Variants in TBC1D2B observed in about 807,000 individuals in gnomAD.
The protein encoded by TBC1D2B is TBC1 domain family member 2B, also known as TBC1 domain family, member 2B.
Under a neutral mutation model 100.8 loss-of-function variants are expected in TBC1D2B, and 64 were observed. The observed-to-expected ratio is 0.64, with a 90% confidence interval of 0.52 to 0.78. TBC1D2B has a LOEUF of 0.78. Ranked by LOEUF, TBC1D2B falls within the 30% of genes least tolerant of loss-of-function variation. TBC1D2B has a pLI of 0.00. For missense variants in TBC1D2B, 1,052 were observed against 1,218.4 expected, an observed-to-expected ratio of 0.86 and a Z score of 2.03; for synonymous variants, 480 against 479.7, an observed-to-expected ratio of 1.00 and a Z score of -0.01.
In TBC1D2B at chr15:77,995,515, A is replaced by C. The variant is rs1310256924; in HGVS notation, c.*2645T>G. 2.0e-5 allele frequency: 3 copies of C among 152,390 alleles called. No individual in the cohort carries two copies. Among genetic ancestry groups the C allele is most frequent in the Non-Finnish European group, 2.9e-5 (2 of 67,990 alleles). 9.4% of individuals were successfully genotyped at this position (152,390 alleles called of 1,614,324 possible). A position where few individuals can be genotyped will look rare whatever the true frequency, so the allele number is the denominator to read the frequency against. On this transcript the variant is annotated 3_prime_UTR_variant, in exon 13 of 13. Transcript: ENST00000300584. Reference sequence around the variant, plus strand: ...AACTCGGAGGCTGAGGCTGGCACAGATACACACAAGGGAGTCACACACATA... The same window carrying C: ...AACTCGGAGGCTGAGGCTGGCACAGCTACACACAAGGGAGTCACACACATA...
chr15:77,999,897 A>C (rs2071865830), intron 12 of TBC1D2B, among the ~76,000 whole-genome samples: 1 of 152,170 alleles, frequency 6.6e-6, no homozygotes, highest in Non-Finnish European at 1.5e-5. Context: ...TCAGCGCCTT[A>C]AAAGGCTCCT....
At chr15:78,012,316 G>A (rs1026469767) in intron 9 of TBC1D2B, among the ~76,000 whole-genome samples, 2 of 152,130 alleles carry the variant, frequency 1.3e-5, no homozygotes, top group African/African-American at 2.4e-5. Context: ...GAGGCTTTTC[G>A]GCATCCTCTG....
At chr15:78,069,260 AT>A (rs544749566) in intron 1 of TBC1D2B, among the ~76,000 whole-genome samples, 6 of 152,174 alleles carry the variant, frequency 3.9e-5, no homozygotes, top group Non-Finnish European at 8.8e-5. Context: ...AGAGAAGTCA[AT>A]GCCGGGGGCC....
At chr15:78,067,927 G>A (rs1262038110) in intron 1 of TBC1D2B, among the ~76,000 whole-genome samples, 2 of 152,198 alleles carry the variant, frequency 1.3e-5, no homozygotes, top group East Asian at 1.9e-4. Context: ...TCTTCAGGGA[G>A]CTTTCTTGAT....
chr15:78,040,568 AGAAAG>A (rs1300423145), intron 3 of TBC1D2B, among the ~76,000 whole-genome samples: 2 of 151,038 alleles, frequency 1.3e-5, no homozygotes, highest in East Asian at 1.9e-4. Flanking sequence ...AAAAAAGAAA[AGAAAG>A]GAAAGGAAAG....
At chr15:78,063,353 C>T (rs115107565) in intron 1 of TBC1D2B, among the ~76,000 whole-genome samples, 5,481 of 152,258 alleles carry the variant, frequency 0.036, 142 homozygotes, top group African/African-American at 0.062. Flanking sequence ...GCATTACTTG[C>T]TATCAAGGGG....
chr15:78,058,702 G>T (rs872926), intron 1 of TBC1D2B, among the ~76,000 whole-genome samples: 1 of 152,116 alleles, frequency 6.6e-6, no homozygotes, highest in Non-Finnish European at 1.5e-5. Flanking sequence ...AGTGAGGACC[G>T]GGAAGGATCA....
At chr15:78,075,737 G>C (rs1407772221) in intron 1 of TBC1D2B, among the ~76,000 whole-genome samples, 1 of 152,170 alleles carries the variant, frequency 6.6e-6, no homozygotes, top group Non-Finnish European at 1.5e-5. Flanking sequence ...TGGGGAAACA[G>C]GCTGTCTGCA....
intron 1 of TBC1D2B, among the ~76,000 whole-genome samples, chr15:78,071,025 C>A (rs1402008598): frequency 6.6e-6 from 1 of 152,212 alleles, no homozygotes; most frequent in Non-Finnish European, 1.5e-5. Context: ...TCTCACCATG[C>A]TGGTCAGGCT....
chr15:78,061,240 A>G (rs1309705992), intron 1 of TBC1D2B, among the ~76,000 whole-genome samples: 5 of 150,080 alleles, frequency 3.3e-5, no homozygotes, highest in Admixed American at 6.6e-5. Context: ...GCAAAACTCC[A>G]TATCAAAAAC....
chr15:78,006,653 C>G (rs1034255302), intron 10 of TBC1D2B, among the ~76,000 whole-genome samples: 2 of 152,192 alleles, frequency 1.3e-5, no homozygotes, highest in Non-Finnish European at 1.5e-5. Context: ...AGCCCCTCAT[C>G]GGTGGCACCT....
chr15:78,061,895 G>A (rs917813264), intron 1 of TBC1D2B, among the ~76,000 whole-genome samples: 1 of 152,148 alleles, frequency 6.6e-6, no homozygotes, highest in African/African-American at 2.4e-5. Context: ...AGGGATGACA[G>A]GACTTAAATC....
In TBC1D2B at chr15:78,064,464, G is replaced by T. The variant is rs74028068; in HGVS notation, c.361-10277C>A. 4.4e-3 allele frequency among the ~76,000 whole-genome samples: 675 copies of T among 152,234 alleles called. 6 individuals are homozygous for T. Among genetic ancestry groups the T allele is most frequent in the African/African-American group, 0.015 (634 of 41,536 alleles). ...AATTTAAATTACATGGATAATTTTG[G>T]GTATCCATTTCTGAAAAGAATGCGA... On this transcript the variant is annotated intron_variant, in intron 1 of 12. Coordinates refer to ENST00000300584, the MANE Select transcript of TBC1D2B (RefSeq NM_144572.2).
chr15:78,044,107 AGAG>A lies in TBC1D2B; in HGVS notation c.683+790_683+792del, dbSNP rs2073146619. ...GAGTTGCCTACGGCTGAGGGTTGAC[AGAG>A]GAGAAGGGGTTGGGGGAAATGAGAA... On this transcript the variant is annotated intron_variant, in intron 3 of 12. Coordinates refer to ENST00000300584, the MANE Select transcript of TBC1D2B (RefSeq NM_144572.2). Among the ~76,000 whole-genome samples, 4 of 151,972 alleles carry A rather than the reference AGAG, an allele frequency of 2.6e-5. No homozygotes were observed. In the South Asian group the frequency reaches 8.3e-4, roughly 31 times the overall value.
At chr15:78,008,612 T>C (rs997609922) in intron 10 of TBC1D2B, among the ~76,000 whole-genome samples, 6 of 152,218 alleles carry the variant, frequency 3.9e-5, no homozygotes, top group African/African-American at 1.4e-4. Context: ...AAGTCTCTGG[T>C]TTGTCTCATT....
At chr15:78,003,020 C>G in intron 11 of TBC1D2B, 1 of 297,478 alleles carries the variant, frequency 3.4e-6, no homozygotes, top group Non-Finnish European at 6.6e-6. Flanking sequence ...TGGGGTAACA[C>G]CACCAGCCAT....
chr15:78,001,584 C>T (rs1474042452), intron 12 of TBC1D2B, 35 bp downstream of exon 12: 1 of 1,585,174 alleles, frequency 6.3e-7, no homozygotes, highest in Middle Eastern at 1.7e-4. Context: ...AGGCTTCCTG[C>T]TCTCCTTGAC....
intron 1 of TBC1D2B, among the ~76,000 whole-genome samples, chr15:78,076,029 G>A (rs1352562330): frequency 2.6e-5 from 4 of 152,158 alleles, no homozygotes; most frequent in Non-Finnish European, 5.9e-5. Flanking sequence ...GAGTGAGAGT[G>A]AGGGTGGAGA....
intron 1 of TBC1D2B, among the ~76,000 whole-genome samples, chr15:78,058,125 T>C (rs1327297899): frequency 6.6e-6 from 1 of 152,158 alleles, no homozygotes; most frequent in Non-Finnish European, 1.5e-5. Context: ...TAAAATTAAT[T>C]TTACTGGTTT....
Sources: gnomAD v4.1 joint callset for allele counts (sites outside exome capture counted in the v4.1 genomes callset) on GRCh38, gnomAD v4.1.1 for gene constraint, MANE v1.5 for transcripts, NCBI Gene and HGNC (gene_info 2026-07-23, HGNC 2026-07-21) for gene names.